Variants in FHIT observed in about 807,000 individuals in gnomAD.
The protein encoded by FHIT is fragile histidine triad diadenosine triphosphatase, also known as bis(5'-adenosyl)-triphosphatase.
FHIT carries 19 observed loss-of-function variants against 17.9 expected under a neutral mutation model. The observed-to-expected ratio is 1.06, with a 90% CI of 0.74 to 1.56. The LOEUF is 1.56. Among genes scored for constraint, FHIT ranks in the 40% most tolerant of loss-of-function variants. The pLI is 0.00. For synonymous variants in FHIT, 81 were observed against 69.7 expected (o/e 1.16, Z -0.81); for missense variants, 248 against 189.2 (o/e 1.31, Z -1.82).
At chr3:60,260,395 T>A (rs1193264495) in intron 5 of FHIT, among the ~76,000 whole-genome samples, 1 of 150,744 alleles carries the variant, frequency 6.6e-6, no homozygotes, top group Non-Finnish European at 1.5e-5. Flanking sequence ...AGAAACAAAG[T>A]GTAAAATACA....
chr3:60,480,408 C>A (rs755677402), intron 5 of FHIT, among the ~76,000 whole-genome samples: 1 of 152,198 alleles, frequency 6.6e-6, no homozygotes, highest in East Asian at 1.9e-4. Flanking sequence ...GGCAATCATG[C>A]CTTCCCAACA....
At chr3:61,176,172 G>A (rs1447968482) in intron 2 of FHIT, among the ~76,000 whole-genome samples, 1 of 152,350 alleles carries the variant, frequency 6.6e-6, no homozygotes, top group Admixed American at 6.5e-5. Context: ...ACTCTTCCTT[G>A]AATAACTATC....
chr3:60,639,792 C>G (rs1428469277), intron 4 of FHIT, among the ~76,000 whole-genome samples: 2 of 152,066 alleles, frequency 1.3e-5, no homozygotes, highest in Non-Finnish European at 2.9e-5. Flanking sequence ...GGGGTAAGTA[C>G]CACTCTAACA....
chr3:59,879,332 T>C (rs543852036), intron 8 of FHIT, among the ~76,000 whole-genome samples: 18 of 152,330 alleles, frequency 1.2e-4, no homozygotes, highest in African/African-American at 3.8e-4. Flanking sequence ...TGAGGATACA[T>C]TGATATTTCT....
At chr3:59,989,126 G>C (rs577243908) in intron 7 of FHIT, among the ~76,000 whole-genome samples, 1 of 152,122 alleles carries the variant, frequency 6.6e-6, no homozygotes, top group East Asian at 1.9e-4. Context: ...AAAAATAGAT[G>C]AACAGTGATT....
chr3:60,527,847 G>T (rs185084633), intron 5 of FHIT, among the ~76,000 whole-genome samples: 85 of 152,296 alleles, frequency 5.6e-4, no homozygotes, highest in Non-Finnish European at 1.0e-3. Flanking sequence ...AATGTAACTG[G>T]AGAAGGTGAA....
At chr3:60,979,213 A>G (rs1342347908) in intron 3 of FHIT, among the ~76,000 whole-genome samples, 1 of 152,152 alleles carries the variant, frequency 6.6e-6, no homozygotes, top group Non-Finnish European at 1.5e-5. Flanking sequence ...TCTCTCCTCC[A>G]ATCTGAAATT....
chr3:60,762,951 G>A (rs1553720409), intron 4 of FHIT, among the ~76,000 whole-genome samples: 2 of 152,108 alleles, frequency 1.3e-5, no homozygotes, highest in Non-Finnish European at 2.9e-5. Context: ...GCTTAAAATC[G>A]ATCATCTCTG....
intron 5 of FHIT, among the ~76,000 whole-genome samples, chr3:60,522,318 C>A (rs751505821): frequency 2.6e-5 from 4 of 152,086 alleles, no homozygotes; most frequent in Non-Finnish European, 5.9e-5. Context: ...ACCATGTTGG[C>A]CAGGCTGGTT....
At chr3:61,074,977 G>T (rs904273510) in intron 2 of FHIT, among the ~76,000 whole-genome samples, 4 of 152,186 alleles carry the variant, frequency 2.6e-5, no homozygotes, top group Non-Finnish European at 5.9e-5. Flanking sequence ...GCCAAGCTAG[G>T]TTCAGTCTCA....
intron 2 of FHIT, among the ~76,000 whole-genome samples, chr3:61,194,306 T>C (rs142989218): frequency 2.8e-4 from 42 of 152,226 alleles, no homozygotes; most frequent in African/African-American, 8.4e-4. Flanking sequence ...TAGGAGACAG[T>C]ATTATGGGAG....
At chr3:59,888,051 CG>C (rs1703700702) in intron 8 of FHIT, among the ~76,000 whole-genome samples, 1 of 152,218 alleles carries the variant, frequency 6.6e-6, no homozygotes, top group African/African-American at 2.4e-5. Context: ...GAAAATAAGA[CG>C]GGTGTACTTT....
At chr3:60,185,281 A>C (rs549013401) in intron 5 of FHIT, among the ~76,000 whole-genome samples, 1 of 152,246 alleles carries the variant, frequency 6.6e-6, no homozygotes, top group East Asian at 1.9e-4. Flanking sequence ...TGTTTCACCT[A>C]TTAAACCTCA....
intron 5 of FHIT, among the ~76,000 whole-genome samples, chr3:60,390,711 A>G (rs1018185941): frequency 1.3e-5 from 2 of 152,112 alleles, no homozygotes; most frequent in Non-Finnish European, 2.9e-5. Flanking sequence ...GTCTTAGTCT[A>G]TAACAAAAAA....
intron 2 of FHIT, among the ~76,000 whole-genome samples, chr3:61,070,791 T>TC (rs1234337616): frequency 1.2e-4 from 19 of 152,322 alleles, no homozygotes; most frequent in Admixed American, 4.6e-4. Context: ...GTGCCCAGTC[T>TC]TACGATGGTG....
intron 8 of FHIT, among the ~76,000 whole-genome samples, chr3:59,826,982 C>T (rs554956939): frequency 7.2e-5 from 11 of 152,286 alleles, no homozygotes; most frequent in African/African-American, 2.6e-4. Flanking sequence ...AAAATCCTCT[C>T]ACACAATTAA....
chr3:60,156,749 T>G (rs939338347), intron 5 of FHIT, among the ~76,000 whole-genome samples: 1 of 152,168 alleles, frequency 6.6e-6, no homozygotes, highest in Non-Finnish European at 1.5e-5. Flanking sequence ...AGACCCTGTC[T>G]CAAAAATAAA....
chr3:60,216,494 G>C (rs988065000), intron 5 of FHIT, among the ~76,000 whole-genome samples: 1 of 152,148 alleles, frequency 6.6e-6, no homozygotes, highest in South Asian at 2.1e-4. Flanking sequence ...TGGGGTAAGA[G>C]AGAATATTTG....
At chr3:60,565,133 G>A (rs1280087289) in intron 4 of FHIT, among the ~76,000 whole-genome samples, 4 of 151,960 alleles carry the variant, frequency 2.6e-5, no homozygotes, top group African/African-American at 7.3e-5. Flanking sequence ...TTTTAATTAA[G>A]GTATGTACAC....
Sources: allele counts gnomAD v4.1 joint callset (sites outside exome capture counted in the v4.1 genomes callset), GRCh38; gene constraint gnomAD v4.1.1; transcripts MANE v1.5; gene names NCBI Gene and HGNC (gene_info 2026-07-23, HGNC 2026-07-21).